METTL15: variants seen among roughly 807,000 people sequenced by gnomAD.
METTL15 encodes the protein methyltransferase 15, mitochondrial 12S rRNA N4-cytidine, also known as 12S rRNA N(4)-cytidine methyltransferase METTL15.
METTL15 carries 34 observed loss-of-function variants against 38.3 expected under a neutral mutation model. That is an observed-to-expected ratio of 0.89 (90% CI 0.68 to 1.18). The LOEUF (loss-of-function observed/expected upper bound fraction) is 1.18. METTL15 is among the 50% of genes most tolerant of loss of function. The probability of loss-of-function intolerance (pLI) is 0.00; values close to 1 mark genes in which losing one functional copy is unlikely to be tolerated. For synonymous variants in METTL15, 162 were observed against 170.9 expected, an observed-to-expected ratio of 0.95 and a Z score of 0.41; for missense variants, 438 against 498.4, an observed-to-expected ratio of 0.88 and a Z score of 1.15.
downstream of METTL15, among the ~76,000 whole-genome samples, chr11:28,531,805 A>G (rs930550480): frequency 2.0e-5 from 3 of 152,044 alleles, no homozygotes; most frequent in Non-Finnish European, 4.4e-5. Context: ...AGATAATCAA[A>G]TAACAAACAG....
chr11:28,385,961 A>G (rs78062774), intron 5 of METTL15, among the ~76,000 whole-genome samples: 8,361 of 152,204 alleles, frequency 0.055, 405 homozygotes, highest in African/African-American at 0.13. Context: ...AATGGATACA[A>G]AATACATATA....
chr11:28,478,336 G>A (rs551132654), intron 6 of METTL15, among the ~76,000 whole-genome samples: 1 of 152,128 alleles, frequency 6.6e-6, no homozygotes, highest in Non-Finnish European at 1.5e-5. Context: ...CACAGAGATG[G>A]TGATTATGAG....
At chr11:28,512,296 C>T (rs1229271233) in intron 6 of METTL15, among the ~76,000 whole-genome samples, 6 of 152,230 alleles carry the variant, frequency 3.9e-5, no homozygotes, top group Non-Finnish European at 7.3e-5. Flanking sequence ...ACCGGGGCAG[C>T]AGGTGGAGCT....
intron 5 of METTL15, among the ~76,000 whole-genome samples, chr11:28,401,207 G>C (rs1446770578): frequency 1.3e-5 from 2 of 151,952 alleles, no homozygotes; most frequent in South Asian, 2.1e-4. Flanking sequence ...GCCTAAGTTA[G>C]GGAATTGATT....
intron 3 of METTL15, among the ~76,000 whole-genome samples, chr11:28,198,519 A>G (rs747915782): frequency 2.0e-5 from 3 of 152,128 alleles, no homozygotes; most frequent in African/African-American, 4.8e-5. Context: ...AGTAACACCA[A>G]TACTTCTGAT....
chr11:28,406,717 C>T (rs921696425), intron 5 of METTL15, among the ~76,000 whole-genome samples: 5 of 152,098 alleles, frequency 3.3e-5, no homozygotes, highest in African/African-American at 9.7e-5. Flanking sequence ...ATTTCTAATA[C>T]TATGCTGAAT....
intron 3 of METTL15, chr11:28,164,064 A>G (rs1850568029): frequency 6.6e-6 from 1 of 152,120 alleles, no homozygotes; most frequent in Non-Finnish European, 1.5e-5. Context: ...TATCACATGT[A>G]TAGCTCTTTA....
intron 4 of METTL15, among the ~76,000 whole-genome samples, chr11:28,279,347 C>A (rs901047572): frequency 2.0e-5 from 3 of 152,096 alleles, no homozygotes; most frequent in African/African-American, 7.2e-5. Context: ...AAAATTCAAT[C>A]TGGCACTCCT....
intron 5 of METTL15, among the ~76,000 whole-genome samples, chr11:28,293,970 G>A (rs1294394653): frequency 6.6e-6 from 1 of 152,116 alleles, no homozygotes; most frequent in Admixed American, 6.6e-5. Context: ...AGACGATGGG[G>A]TTTTCTAGAT....
chr11:28,154,891 A>G (rs1850210540), intron 3 of METTL15, among the ~76,000 whole-genome samples: 1 of 152,162 alleles, frequency 6.6e-6, no homozygotes, highest in African/African-American at 2.4e-5. Flanking sequence ...CATTCTCAGT[A>G]TAAGATGATT....
intron 6 of METTL15, among the ~76,000 whole-genome samples, chr11:28,525,783 C>A (rs570902112): frequency 6.2e-4 from 94 of 152,370 alleles, no homozygotes; most frequent in African/African-American, 2.2e-3. Flanking sequence ...CTGCCAGTAC[C>A]GCGCCGTGCA....
intron 3 of METTL15, among the ~76,000 whole-genome samples, chr11:28,158,066 A>G (rs1850325327): frequency 6.6e-6 from 1 of 152,122 alleles, no homozygotes. Context: ...TTGTATTCAG[A>G]TTCACGGGCT....
At chr11:28,268,514 CTT>C (rs1230126419) in intron 4 of METTL15, among the ~76,000 whole-genome samples, 1 of 152,030 alleles carries the variant, frequency 6.6e-6, no homozygotes, top group Admixed American at 6.6e-5. Context: ...TTTGTACTCT[CTT>C]TAAGATAACA....
chr11:28,235,470 C>T (rs1442495560), intron 4 of METTL15, among the ~76,000 whole-genome samples: 1 of 152,064 alleles, frequency 6.6e-6, no homozygotes. Flanking sequence ...TTTGTATCCT[C>T]TTTTATTTCC....
Position 28,288,866 on chromosome 11 carries a change from T to C in METTL15, c.408-1340T>C, listed in dbSNP as rs575074989. Among the ~76,000 whole-genome samples, 14 of 152,192 alleles carry C rather than the reference T, an allele frequency of 9.2e-5. No homozygotes were observed. The East Asian group carries it at 2.7e-3, about 29-fold the overall frequency. On this transcript the variant is annotated intron_variant, in intron 4 of 6. Transcript: ENST00000407364. ...AAACTTCTGTTTCATCTGGCCAGTG[T>C]TGGGCCAGATGAAATCCTGTGTTTG...
At chr11:28,124,229 A>T (rs554502905) in intron 3 of METTL15, among the ~76,000 whole-genome samples, 1 of 152,184 alleles carries the variant, frequency 6.6e-6, no homozygotes, top group East Asian at 1.9e-4. Flanking sequence ...GTTCTAGAGG[A>T]CACCCTAGAA....
chr11:28,161,122 TTTTTG>T (rs1850446784), intron 3 of METTL15, among the ~76,000 whole-genome samples: 1 of 145,882 alleles, frequency 6.9e-6, no homozygotes, highest in African/African-American at 2.5e-5. Context: ...TTTTTTTTTT[TTTTTG>T]TTTTTTGTTT....
At chr11:28,346,386 A>G (rs989492349) in intron 3 of METTL15, among the ~76,000 whole-genome samples, 7 of 152,174 alleles carry the variant, frequency 4.6e-5, no homozygotes, top group African/African-American at 1.7e-4. Context: ...TTACAGTGTT[A>G]ATTGCATTAC....
intron 6 of METTL15, among the ~76,000 whole-genome samples, chr11:28,485,585 G>C (rs1851431608): frequency 6.6e-6 from 1 of 152,186 alleles, no homozygotes. Context: ...TGCTGGGCAA[G>C]TATTGGGGTG....
Sources: allele counts gnomAD v4.1 joint callset (sites outside exome capture counted in the v4.1 genomes callset), GRCh38; gene constraint gnomAD v4.1.1; transcripts MANE v1.5; gene names NCBI Gene and HGNC (gene_info 2026-07-23, HGNC 2026-07-21).